UVSSA: variants seen among roughly 807,000 people sequenced by gnomAD.
UVSSA encodes UV stimulated scaffold protein A, also known as UV-stimulated scaffold protein A.
In UVSSA, 72 loss-of-function variants were observed where a neutral mutation model predicts 73.9. The ratio of observed to expected loss-of-function variants is 0.97; its 90% CI spans 0.81 to 1.19. The LOEUF is 1.19. UVSSA is among the 50% of genes most tolerant of loss of function. The probability of loss-of-function intolerance (pLI) is 0.00; values close to 1 mark genes in which losing one functional copy is unlikely to be tolerated. For synonymous variants in UVSSA, 454 were observed against 391.3 expected (o/e 1.16, Z -1.89); for missense variants, 1,150 against 965.0 (o/e 1.19, Z -2.54).
chr4:1,354,903 T>A, intron 6 of UVSSA, 56 bp downstream of exon 6: 1 of 1,460,304 alleles, frequency 6.8e-7, no homozygotes, highest in Non-Finnish European at 9.3e-7. Context: ...GTGCCATGCA[T>A]GGGGGGGGTC....
chr4:1,348,438 C>G (rs1420390427), intron 2 of UVSSA, among the ~76,000 whole-genome samples: 1 of 152,258 alleles, frequency 6.6e-6, no homozygotes, highest in Non-Finnish European at 1.5e-5. Flanking sequence ...GTCTGGAGCA[C>G]ATCCTGTAGG....
In UVSSA at chr4:1,348,124, G is replaced by C; in HGVS notation, c.33G>C (p.Glu11Asp). The C allele has an allele frequency of 6.2e-7, 1 of 1,613,898 alleles. No individual in the cohort carries two copies. MDQKLSKLVE[E>D]LTTSGEPRLN... is the part of the protein sequence containing the mutation. Reference sequence around the variant, plus strand: ...AGAAACTTTCGAAGTTGGTAGAAGAGCTCACAACTTCAGGAGAACCCCGAC... The same window carrying C: ...AGAAACTTTCGAAGTTGGTAGAAGACCTCACAACTTCAGGAGAACCCCGAC... The change falls in exon 2 of 14, where the codon GAG becomes GAC. Residue 11 changes from glutamate to aspartate, a missense_variant. Coordinates refer to ENST00000389851, the MANE Select transcript of UVSSA (RefSeq NM_020894.4).
chr4:1,369,189 C>G (rs1479732441), intron 8 of UVSSA, among the ~76,000 whole-genome samples: 1 of 152,378 alleles, frequency 6.6e-6, no homozygotes. Flanking sequence ...CCTGGGTACC[C>G]TTGGCGGCCT....
At chr4:1,354,895 G>C (rs897694277) in intron 6 of UVSSA, 48 bp downstream of exon 6, 10 of 1,353,666 alleles carry the variant, frequency 7.4e-6, no homozygotes, top group Non-Finnish European at 1.0e-5. Flanking sequence ...TGTGCAGAGT[G>C]CCATGCATGG....
At chr4:1,362,608 G>C (rs1560452489) in intron 7 of UVSSA, among the ~76,000 whole-genome samples, 1 of 152,150 alleles carries the variant, frequency 6.6e-6, no homozygotes, top group Non-Finnish European at 1.5e-5. Context: ...CTCGTCCAGA[G>C]CCCCCCCGCA....
rs144900768 is a variant in UVSSA at position 1,394,918 on chromosome 4, C to T, written c.*8957C>T. 19 of 1,574,332 alleles carry T rather than the reference C, an allele frequency of 1.2e-5. No homozygotes were observed. Among genetic ancestry groups the T allele is most frequent in the East Asian group, 4.7e-5 (2 of 42,396 alleles). On this transcript the variant is annotated 3_prime_UTR_variant, in exon 14 of 14. Coordinates refer to the UVSSA transcript ENST00000511216. Reference sequence around the variant, plus strand: ...CTCACACGTGCCCATGCGGAGTGCCCGCCTGCTCACACGTGCCCATGCGGA... The same window carrying T: ...CTCACACGTGCCCATGCGGAGTGCCTGCCTGCTCACACGTGCCCATGCGGA...
chr4:1,355,426 C>T (rs938602290), intron 7 of UVSSA, among the ~76,000 whole-genome samples, 181 bp downstream of exon 7: 1 of 152,360 alleles, frequency 6.6e-6, no homozygotes. Context: ...AGGGTCATCA[C>T]CATGGCAGAG....
chr4:1,363,087 C>G (rs1208547011), intron 7 of UVSSA, among the ~76,000 whole-genome samples: 1 of 146,248 alleles, frequency 6.8e-6, no homozygotes, highest in Non-Finnish European at 1.5e-5. Context: ...AGTGAAGCCC[C>G]TCAATGCTGA....
chr4:1,382,097 T>C (rs1410872803), intron 12 of UVSSA, among the ~76,000 whole-genome samples: 1 of 152,210 alleles, frequency 6.6e-6, no homozygotes, highest in Non-Finnish European at 1.5e-5. Context: ...CCCGGGTGTC[T>C]TGCACTCTGG....
intron 8 of UVSSA, among the ~76,000 whole-genome samples, chr4:1,372,804 TCCCGCGTCTCAGGGCACTCAC>T (rs1718266478): frequency 2.2e-4 from 9 of 40,390 alleles, no homozygotes; most frequent in African/African-American, 9.5e-4. Context: ...TGCACTCACC[TCCCGCGTCTCAGGGCACTCAC>T]CTCCCGCGTC....
upstream of UVSSA, among the ~76,000 whole-genome samples, chr4:1,344,578 A>G (rs1483404567): frequency 3.3e-5 from 5 of 152,186 alleles, no homozygotes; most frequent in African/African-American, 1.2e-4. Flanking sequence ...AATATCGTCT[A>G]ACTCTCATCA....
intron 10 of UVSSA, among the ~76,000 whole-genome samples, chr4:1,379,607 T>TA (rs1209007603): frequency 2.0e-5 from 3 of 152,178 alleles, no homozygotes; most frequent in Non-Finnish European, 4.4e-5. Context: ...GCCCTGTCCT[T>TA]ACGTCCCTGC....
Position 1,395,884 on chromosome 4 carries a change from G to A in UVSSA, c.*9923G>A, listed in dbSNP as rs748550646. ...TAGGGATGAGATGGAAGAGGAGAGG[G>A]TGTTTTTGTAAAATTGAATTCAGGA... On this transcript the variant is annotated 3_prime_UTR_variant, in exon 14 of 14. Coordinates refer to the UVSSA transcript ENST00000511216. 8.8e-6 allele frequency: 14 copies of A among 1,597,652 alleles called. No homozygotes were observed. In the African/African-American group the frequency reaches 1.6e-4, roughly 18 times the overall value.
rs374846806 is a variant in UVSSA, at chr4:1,349,600, C to T, written c.175C>T (p.Leu59Phe). The T allele has an allele frequency of 3.1e-6, 5 of 1,614,170 alleles. No individual in the cohort carries two copies. The highest frequency in any genetic ancestry group is 2.2e-5 in the East Asian group (1 of 44,886). Residue 59 changes from leucine to phenylalanine, a missense_variant, in exon 3 of 14, where the codon CTC becomes TTC. By Grantham distance (22) the Leu-to-Phe change is conservative. Transcript: ENST00000389851. ...QLTQEHAEIR[L>F]SAFQIVEELF... ...GACCCAGGAGCACGCCGAGATCCGTCTCTCAGCCTTCCAGATTGTGGAGGA... is the reference window on the plus strand; with the variant it reads ...GACCCAGGAGCACGCCGAGATCCGTTTCTCAGCCTTCCAGATTGTGGAGGA...
At chr4:1,379,053 C>T (rs1337735356) in intron 10 of UVSSA, among the ~76,000 whole-genome samples, 2 of 150,888 alleles carry the variant, frequency 1.3e-5, no homozygotes, top group South Asian at 2.1e-4. Context: ...GGGCTGTGCT[C>T]CTGTCTGTGG....
At chr4:1,373,085 C>T (rs1195178255) in intron 8 of UVSSA, among the ~76,000 whole-genome samples, 2 of 152,250 alleles carry the variant, frequency 1.3e-5, no homozygotes, top group Admixed American at 6.5e-5. Flanking sequence ...CTATAAAATC[C>T]TGAGCTTGAA....
intron 8 of UVSSA, among the ~76,000 whole-genome samples, chr4:1,370,085 C>T (rs1246868138): frequency 6.6e-6 from 1 of 152,220 alleles, no homozygotes; most frequent in African/African-American, 2.4e-5. Flanking sequence ...AAGTATTTAC[C>T]CTGCTTTAAC....
upstream of UVSSA, among the ~76,000 whole-genome samples, chr4:1,345,434 C>T (rs1713590772): frequency 2.0e-5 from 3 of 152,068 alleles, no homozygotes; most frequent in African/African-American, 7.2e-5. Context: ...CACCTGAAGT[C>T]AGGAGTTCGA....
At chr4:1,366,583 G>A (rs1717358976) in intron 8 of UVSSA, 152 bp downstream of exon 8, 7 of 577,214 alleles carry the variant, frequency 1.2e-5, no homozygotes, top group Middle Eastern at 4.7e-4. Context: ...CCTGCTCACG[G>A]TCGTAGCCAC....
Sources: gnomAD v4.1 joint callset for allele counts (sites outside exome capture counted in the v4.1 genomes callset) on GRCh38, gnomAD v4.1.1 for gene constraint, MANE v1.5 for transcripts, NCBI Gene and HGNC (gene_info 2026-07-23, HGNC 2026-07-21) for gene names.